Variants in ETV6 observed in about 807,000 individuals in gnomAD.
ETV6 encodes the protein transcription factor ETV6.
In ETV6, 16 loss-of-function variants were observed where a neutral mutation model predicts 51.1. The ratio of observed to expected loss-of-function variants is 0.31; its 90% confidence interval spans 0.21 to 0.48. The LOEUF is 0.48. ETV6 is among the 20% of genes least tolerant of loss of function. The pLI, the probability that ETV6 is intolerant of heterozygous loss-of-function variation, is 0.99. For missense variants in ETV6, 458 were observed against 594.8 expected (o/e 0.77, Z 2.39); for synonymous variants, 240 against 224.1 (o/e 1.07, Z -0.64).
intron 3 of ETV6, among the ~76,000 whole-genome samples, chr12:11,844,213 C>T (rs1946429014): frequency 6.6e-6 from 1 of 152,106 alleles, no homozygotes; most frequent in African/African-American, 2.4e-5. Context: ...ATTATTTTCT[C>T]CGAACAAGGA....
intron 1 of ETV6, among the ~76,000 whole-genome samples, chr12:11,652,653 G>C (rs1209935224): frequency 6.6e-6 from 1 of 152,132 alleles, no homozygotes; most frequent in Non-Finnish European, 1.5e-5. Context: ...TACAAGTAGC[G>C]GGTCAGCAGG....
chr12:11,713,447 CTTT>C (rs1865211553), intron 1 of ETV6, among the ~76,000 whole-genome samples: 1 of 152,130 alleles, frequency 6.6e-6, no homozygotes, highest in Non-Finnish European at 1.5e-5. Context: ...AGCAAATGTT[CTTT>C]TGCTTTCCTC....
chr12:11,798,687 C>T (rs1945709846), intron 2 of ETV6, among the ~76,000 whole-genome samples: 1 of 152,112 alleles, frequency 6.6e-6, no homozygotes, highest in Non-Finnish European at 1.5e-5. Flanking sequence ...GAAAATTTTA[C>T]AAGAGTATTT....
intron 4 of ETV6, among the ~76,000 whole-genome samples, chr12:11,860,608 G>A (rs1002578929): frequency 2.6e-5 from 4 of 151,708 alleles, no homozygotes; most frequent in South Asian, 2.1e-4. Context: ...GAGTTAATAC[G>A]GAAAATGCCC....
At chr12:11,816,539 C>A (rs1181218669) in intron 2 of ETV6, among the ~76,000 whole-genome samples, 1 of 152,210 alleles carries the variant, frequency 6.6e-6, no homozygotes, top group East Asian at 1.9e-4. Context: ...AGCCACTGCG[C>A]CCGGCCAGCT....
At chr12:11,743,402 G>C (rs1865846943) in intron 1 of ETV6, among the ~76,000 whole-genome samples, 1 of 152,156 alleles carries the variant, frequency 6.6e-6, no homozygotes, top group Non-Finnish European at 1.5e-5. Flanking sequence ...TGTAGAGCGA[G>C]GGAATTTCTT....
In ETV6 at chr12:11,893,877, CAAA is replaced by C; in HGVS notation, c.*2838_*2840del. On this transcript the variant is annotated 3_prime_UTR_variant, in exon 8 of 8. Coordinates refer to ENST00000396373, the MANE Select transcript of ETV6 (RefSeq NM_001987.5). Reference sequence around the variant, plus strand: ...ACACATACACAAATATTCCAGGATACAAAAAAAAACATTTAAAAATCCGAGACC... The same window carrying C: ...ACACATACACAAATATTCCAGGATACAAAAAACATTTAAAAATCCGAGACC... 6.5e-6 allele frequency: 1 copy of C among 153,882 alleles called. No individual in the cohort carries two copies. The highest frequency in any genetic ancestry group is 2.9e-5 in the African/African-American group (1 of 34,284). The allele number at this position is 153,882 out of a possible 1,614,324, so 9.5% of individuals were successfully genotyped here.
intron 1 of ETV6, among the ~76,000 whole-genome samples, chr12:11,673,706 G>A (rs570175147): frequency 6.6e-6 from 1 of 152,188 alleles, no homozygotes; most frequent in South Asian, 2.1e-4. Flanking sequence ...AAGAGAGCTT[G>A]TCTCATTTTT....
At chr12:11,860,784 G>A (rs1946705215) in intron 4 of ETV6, among the ~76,000 whole-genome samples, 1 of 152,130 alleles carries the variant, frequency 6.6e-6, no homozygotes, top group Non-Finnish European at 1.5e-5. Context: ...GTAGTGGTAA[G>A]TCTATTCACA....
intron 2 of ETV6, among the ~76,000 whole-genome samples, chr12:11,786,569 G>A (rs1029041856): frequency 2.0e-5 from 3 of 152,280 alleles, no homozygotes; most frequent in East Asian, 3.9e-4. Context: ...TATTTTTAAT[G>A]TGCGGGATTT....
At chr12:11,711,314 TCTCA>T (rs1375270529) in intron 1 of ETV6, among the ~76,000 whole-genome samples, 1 of 152,158 alleles carries the variant, frequency 6.6e-6, no homozygotes, top group African/African-American at 2.4e-5. Context: ...TGAGATGGAG[TCTCA>T]CTCAGTTGTT....
intron 4 of ETV6, among the ~76,000 whole-genome samples, chr12:11,857,379 A>T (rs190506871): frequency 2.6e-5 from 4 of 152,154 alleles, no homozygotes; most frequent in Admixed American, 6.5e-5. Flanking sequence ...TGCTAATTCA[A>T]ACTCTCTATA....
chr12:11,669,643 C>T (rs185902655), intron 1 of ETV6, among the ~76,000 whole-genome samples: 120 of 152,134 alleles, frequency 7.9e-4, no homozygotes, highest in Admixed American at 2.4e-3. Flanking sequence ...ACCTCCTCCC[C>T]GGGTCCCTCC....
intron 2 of ETV6, among the ~76,000 whole-genome samples, chr12:11,766,485 G>A (rs561893524): frequency 2.6e-5 from 4 of 152,096 alleles, no homozygotes; most frequent in African/African-American, 7.2e-5. Context: ...GATTATATCC[G>A]TCCCCCCACA....
chr12:11,673,627 T>C (rs944604134), intron 1 of ETV6, among the ~76,000 whole-genome samples: 2 of 152,172 alleles, frequency 1.3e-5, no homozygotes, highest in African/African-American at 4.8e-5. Flanking sequence ...GAAATCAATA[T>C]TTTTTCCTAC....
At chr12:11,766,696 C>T (rs1185659890) in intron 2 of ETV6, among the ~76,000 whole-genome samples, 1 of 151,888 alleles carries the variant, frequency 6.6e-6, no homozygotes, top group African/African-American at 2.4e-5. Flanking sequence ...GCTGCCAAGA[C>T]ACAGAAATGA....
intron 2 of ETV6, among the ~76,000 whole-genome samples, chr12:11,810,948 TTTTTTAAACACCTCCAATTCCAA>T (rs1337727266): frequency 1.3e-5 from 2 of 152,174 alleles, no homozygotes; most frequent in Non-Finnish European, 2.9e-5. Flanking sequence ...CAGCTCTTTT[TTTTTTAAACACCTCCAATTCCAA>T]TTTTTAAACA....
At chr12:11,763,044 C>G (rs1425536681) in intron 2 of ETV6, among the ~76,000 whole-genome samples, 1 of 152,174 alleles carries the variant, frequency 6.6e-6, no homozygotes, top group Non-Finnish European at 1.5e-5. Flanking sequence ...GGTTCCCAAA[C>G]CTGTTATTCG....
chr12:11,675,362 A>C (rs1228555461), intron 1 of ETV6, among the ~76,000 whole-genome samples: 2 of 152,242 alleles, frequency 1.3e-5, no homozygotes, highest in African/African-American at 2.4e-5. Flanking sequence ...ATTTTAAAGT[A>C]TTACCTATCA....
Sources: allele counts gnomAD v4.1 joint callset (sites outside exome capture counted in the v4.1 genomes callset), GRCh38; gene constraint gnomAD v4.1.1; transcripts MANE v1.5; gene names NCBI Gene and HGNC (gene_info 2026-07-23, HGNC 2026-07-21).